CYP1A2: variants seen among roughly 807,000 people sequenced by gnomAD.
CYP1A2 encodes cytochrome P450 1A2.
In CYP1A2, 35 loss-of-function variants were observed where a neutral mutation model predicts 34.7. The observed-to-expected ratio is 1.01, with a 90% CI of 0.77 to 1.34. CYP1A2 has a LOEUF of 1.34. Ranked by LOEUF, CYP1A2 falls within the 40% of genes most tolerant of loss-of-function variation. The probability of loss-of-function intolerance (pLI) is 0.00; values close to 1 mark genes in which losing one functional copy is unlikely to be tolerated. For missense variants in CYP1A2, 675 were observed against 675.8 expected (o/e 1.00, Z 0.01); for synonymous variants, 288 against 281.9 (o/e 1.02, Z -0.22).
intron 3 of CYP1A2, 100 bp from the exon 4 acceptor site, chr15:74,751,665 A>G: frequency 8.2e-7 from 1 of 1,213,508 alleles, no homozygotes; most frequent in South Asian, 1.4e-5. Flanking sequence ...CTAGGGCCAG[A>G]GAAAGCTAAT....
chr15:74,751,044 C>A, intron 2 of CYP1A2, 145 bp from the exon 3 acceptor site: 4 of 1,096,296 alleles, frequency 3.6e-6, no homozygotes, highest in South Asian at 3.2e-5. Flanking sequence ...CCAGCTCCTG[C>A]TGCAAGCTGC....
rs1427789337 is a variant in CYP1A2 at position 74,750,282 on chromosome 15, G to A, written c.544G>A (p.Gly182Arg). The change falls in exon 2 of 7, where the codon GGG becomes AGG. Residue 182 changes from glycine (G) to arginine (R), a missense_variant. By Grantham distance (125) the Gly-to-Arg change is moderately radical. Coordinates refer to ENST00000343932, the MANE Select transcript of CYP1A2 (RefSeq NM_000761.5). Reference protein sequence around the residue: ...LISRLQELMAGPGHFDPYNQV... With the variant: ...LISRLQELMARPGHFDPYNQV... ...CAGCAGGTTGCAGGAGCTGATGGCA[G>A]GGCCTGGGCACTTCGACCCTTACAA... is the stretch of plus-strand genomic sequence containing the variant. 1.9e-6 allele frequency: 3 copies of A among 1,614,130 alleles called. No homozygotes were observed. Among genetic ancestry groups the A allele is most frequent in the Non-Finnish European group, 8.5e-7 (1 of 1,180,058 alleles).
chr15:74,749,447 T>C (rs1006065503), intron 1 of CYP1A2, among the ~76,000 whole-genome samples: 3 of 152,152 alleles, frequency 2.0e-5, no homozygotes, highest in African/African-American at 7.2e-5. Flanking sequence ...GTCACTTGCC[T>C]CTACTCCAGC....
chr15:74,750,968 G>T (rs549949435), intron 2 of CYP1A2, among the ~76,000 whole-genome samples: 1 of 152,260 alleles, frequency 6.6e-6, no homozygotes, highest in South Asian at 2.1e-4. Flanking sequence ...TTGGACCCCT[G>T]GTGTTATTGG....
Position 74,755,124 on chromosome 15 carries a change from G to T in CYP1A2, c.*36G>T, listed in dbSNP as rs776042559. On this transcript the variant is annotated 3_prime_UTR_variant, in exon 7 of 7. Coordinates refer to ENST00000343932, the MANE Select transcript of CYP1A2 (RefSeq NM_000761.5). ...ACCATTCTGAGGCCAGGGAGCGAGT[G>T]GGGGCCAGCCACGGGGACTCAGCCC... 4.4e-6 allele frequency: 7 copies of T among 1,582,582 alleles called. No homozygotes were observed. Among genetic ancestry groups the T allele is most frequent in the South Asian group, 3.3e-5 (3 of 90,262 alleles).
chr15:74,751,721 G>C (rs2063316188), intron 3 of CYP1A2, 44 bp from the exon 4 acceptor site: 2 of 1,574,890 alleles, frequency 1.3e-6, no homozygotes, highest in Non-Finnish European at 8.7e-7. Flanking sequence ...TGGTTTCCTT[G>C]TTTCTGTCTT....
At chr15:74,754,368 T>C (rs1396429017) in intron 6 of CYP1A2, among the ~76,000 whole-genome samples, 1 of 139,796 alleles carries the variant, frequency 7.2e-6, no homozygotes, top group African/African-American at 2.7e-5. Flanking sequence ...ACTTTGGGAG[T>C]CCGAGGAAGG....
chr15:74,750,659 G>A, intron 2 of CYP1A2, 90 bp downstream of exon 2: 1 of 1,143,988 alleles, frequency 8.7e-7, no homozygotes. Flanking sequence ...CACAGCTGCT[G>A]TGTTGCCAAG....
rs749252751 is a variant in CYP1A2, at chr15:74,751,293, T to C, written c.936T>C (p.Asn312=). The change falls in exon 3 of 7, where the codon AAT becomes AAC. Residue 312 remains asparagine, a synonymous_variant. Transcript: ENST00000343932. ...IPQEKIVNLV[N]DIFGAGFDTV... The stretch of plus-strand genomic sequence containing the variant: ...AGGAGAAGATTGTCAACCTTGTCAA[T>C]GACATCTTTGGAGCAGGTAGGAACC... 3.1e-6 allele frequency: 5 copies of C among 1,614,108 alleles called. No homozygotes were observed. Among genetic ancestry groups the C allele is most frequent in the Non-Finnish European group, 4.2e-6 (5 of 1,180,000 alleles).
chr15:74,749,685 T>C (rs1430927961), intron 1 of CYP1A2, 45 bp from the exon 2 acceptor site: 2 of 1,396,146 alleles, frequency 1.4e-6, no homozygotes, highest in Admixed American at 2.3e-5. Flanking sequence ...TGAATGAATG[T>C]CTCCATCTCA....
At position 74,750,394 on chromosome 15, in the gene CYP1A2, T is replaced by A; in HGVS notation, c.656T>A (p.Leu219His). The change falls in exon 2 of 7, where the codon CTC becomes CAC. Residue 219 changes from leucine (L) to histidine (H), a missense_variant. By Grantham distance (99) the Leu-to-His change is moderately conservative. Transcript: ENST00000343932. ...GAGAGTAGCGATGAGATGCTCAGCCTCGTGAAGAACACTCATGAGTTCGTG... is the reference window on the plus strand; with the variant it reads ...GAGAGTAGCGATGAGATGCTCAGCCACGTGAAGAACACTCATGAGTTCGTG... ...FPESSDEMLS[L>H]VKNTHEFVET... is the part of the protein sequence containing the mutation. 1 of 1,614,164 alleles carries A rather than the reference T, an allele frequency of 6.2e-7. No homozygotes were observed. Among genetic ancestry groups the A allele is most frequent in the Non-Finnish European group, 8.5e-7 (1 of 1,180,028 alleles).
chr15:74,752,343 C>T (rs2063320127), intron 5 of CYP1A2, 96 bp downstream of exon 5: 2 of 1,533,848 alleles, frequency 1.3e-6, no homozygotes, highest in African/African-American at 1.4e-5. Flanking sequence ...GCATCTCCTT[C>T]CCGACCTCGT....
In CYP1A2 at chr15:74,756,520, G is replaced by A. The variant is rs2063338679; in HGVS notation, c.*1432G>A. ...CTAGCCTGCCTCCCCTGCCTCACCA[G>A]CCCTGGCAACTGCTAATCTACTTTC... On this transcript the variant is annotated 3_prime_UTR_variant, in exon 7 of 7. Transcript: ENST00000343932. Among the ~76,000 whole-genome samples, 1 of 152,184 alleles carries A rather than the reference G, an allele frequency of 6.6e-6. No individual in the cohort carries two copies. Among genetic ancestry groups the A allele is most frequent in the East Asian group, 1.9e-4 (1 of 5,186 alleles).
chr15:74,753,130 C>T (rs188445957), intron 5 of CYP1A2, 54 bp from the exon 6 acceptor site: 66 of 1,463,644 alleles, frequency 4.5e-5, no homozygotes, highest in Non-Finnish European at 6.2e-5. Context: ...GTAGGAGCAA[C>T]ACATGCCCCA....
At chr15:74,751,891 C>G in intron 4 of CYP1A2, 37 bp downstream of exon 4, 4 of 1,601,932 alleles carry the variant, frequency 2.5e-6, no homozygotes, top group Non-Finnish European at 3.4e-6. Context: ...CCAGGAGAAG[C>G]CTTGAGACCC....
chr15:74,752,864 C>T (rs972648022), intron 5 of CYP1A2, among the ~76,000 whole-genome samples: 8 of 133,500 alleles, frequency 6.0e-5, no homozygotes, highest in African/African-American at 2.2e-4. Flanking sequence ...CCCAGGCTGC[C>T]TGCTGCTTTT....
chr15:74,754,385 G>A (rs1479600238), intron 6 of CYP1A2, among the ~76,000 whole-genome samples: 6 of 145,292 alleles, frequency 4.1e-5, no homozygotes, highest in Non-Finnish European at 1.5e-5. Context: ...AAGGTGGATC[G>A]CTTGAGCTCA....
In CYP1A2 at chr15:74,754,994, G is replaced by A. The variant is rs140211191; in HGVS notation, c.1457G>A (p.Gly486Asp). 31 of 1,614,132 alleles carry A rather than the reference G, an allele frequency of 1.9e-5. No homozygotes were observed. Among genetic ancestry groups the A allele is most frequent in the Non-Finnish European group, 2.5e-6 (3 of 1,180,052 alleles). Residue 486 changes from glycine to aspartate, a missense_variant, in exon 7 of 7, where the codon GGC (glycine) becomes GAC (aspartate). Coordinates refer to ENST00000343932, the MANE Select transcript of CYP1A2 (RefSeq NM_000761.5). Reference protein sequence around the residue: ...LQQLEFSVPPGVKVDLTPIYG... With the variant: ...LQQLEFSVPPDVKVDLTPIYG... ...CAACTGGAGTTCAGCGTGCCGCCGG[G>A]CGTGAAAGTCGACCTGACCCCCATC...
At chr15:74,751,404 C>T (rs2063315036) in intron 3 of CYP1A2, 95 bp downstream of exon 3, 1 of 1,528,368 alleles carries the variant, frequency 6.5e-7, no homozygotes, top group South Asian at 1.2e-5. Flanking sequence ...CCCACCAACC[C>T]TACACCAGAT....
Sources: gnomAD v4.1 joint callset for allele counts (sites outside exome capture counted in the v4.1 genomes callset) on GRCh38, gnomAD v4.1.1 for gene constraint, MANE v1.5 for transcripts, NCBI Gene and HGNC (gene_info 2026-07-23, HGNC 2026-07-21) for gene names.